The following VTI1A variants were observed in gnomAD, a reference collection of about 807,000 sequenced individuals.
VTI1A encodes vesicle transport through interaction with t-SNAREs 1A.
A neutral mutation model predicts 34.9 loss-of-function variants in VTI1A; 22 were observed. The observed-to-expected ratio is 0.63, with a 90% CI of 0.45 to 0.90. The LOEUF is 0.90. VTI1A is among the 40% of genes least tolerant of loss of function. The pLI is 0.00. For missense variants in VTI1A, 268 were observed against 275.6 expected (o/e 0.97, Z 0.20); for synonymous variants, 87 against 97.3 (o/e 0.89, Z 0.62).
chr10:112,853,936 C>T, the VTI1A span, among the ~76,000 whole-genome samples: 1 of 152,174 alleles, frequency 6.6e-6, no homozygotes, highest in Non-Finnish European at 1.5e-5. Flanking sequence ...GCTGCCTCCC[C>T]TGTGACTCTG....
intron 3 of VTI1A, among the ~76,000 whole-genome samples, chr10:112,499,758 C>T (rs1849158728): frequency 6.6e-6 from 1 of 152,192 alleles, no homozygotes; most frequent in South Asian, 2.1e-4. Flanking sequence ...ATATGAGAAA[C>T]CTTGAAGACA....
intron 7 of VTI1A, among the ~76,000 whole-genome samples, chr10:112,760,694 G>T (rs1057490974): frequency 2.6e-5 from 4 of 152,126 alleles, no homozygotes; most frequent in East Asian, 3.9e-4. Context: ...TTCGAGACCA[G>T]GCTGGCCAAC....
chr10:112,478,396 G>A (rs965724122), intron 3 of VTI1A, among the ~76,000 whole-genome samples: 1 of 152,162 alleles, frequency 6.6e-6, no homozygotes, highest in African/African-American at 2.4e-5. Context: ...GAACTGCACT[G>A]CTTTTTAGTC....
At chr10:112,798,828 G>T (rs972215263) in intron 7 of VTI1A, among the ~76,000 whole-genome samples, 3 of 152,172 alleles carry the variant, frequency 2.0e-5, no homozygotes, top group African/African-American at 4.8e-5. Flanking sequence ...CTCCAAGAGA[G>T]ACCTCTGGCT....
chr10:112,508,147 A>G (rs1849494062), intron 3 of VTI1A, among the ~76,000 whole-genome samples: 1 of 152,196 alleles, frequency 6.6e-6, no homozygotes, highest in Non-Finnish European at 1.5e-5. Context: ...GCTTCTCTGA[A>G]CAAACCGTTT....
chr10:112,641,143 C>T (rs960246594), intron 5 of VTI1A, among the ~76,000 whole-genome samples: 4 of 151,902 alleles, frequency 2.6e-5, no homozygotes, highest in African/African-American at 9.7e-5. Flanking sequence ...CACGGATTTT[C>T]TCCTGTTGGA....
chr10:112,681,519 T>A (rs559133522), intron 7 of VTI1A, among the ~76,000 whole-genome samples: 3 of 152,220 alleles, frequency 2.0e-5, no homozygotes, highest in Non-Finnish European at 4.4e-5. Flanking sequence ...AAAAGAAGAA[T>A]ATTTTTGACA....
intron 5 of VTI1A, among the ~76,000 whole-genome samples, chr10:112,624,851 T>C (rs995826100): frequency 6.6e-6 from 1 of 152,076 alleles, no homozygotes; most frequent in African/African-American, 2.4e-5. Context: ...GATGTCAGCA[T>C]TTTGGGAGGT....
chr10:112,530,727 T>A (rs1237295006), intron 4 of VTI1A, among the ~76,000 whole-genome samples: 3 of 152,180 alleles, frequency 2.0e-5, no homozygotes, highest in Non-Finnish European at 2.9e-5. Context: ...TTGGGCTTGC[T>A]GTGCATAAAG....
At chr10:112,633,523 G>A (rs1846218407) in intron 5 of VTI1A, among the ~76,000 whole-genome samples, 1 of 152,110 alleles carries the variant, frequency 6.6e-6, no homozygotes, top group South Asian at 2.1e-4. Context: ...GAGATAGCAG[G>A]CAAAACACCG....
intron 7 of VTI1A, among the ~76,000 whole-genome samples, chr10:112,709,374 C>A (rs1278389734): frequency 6.6e-6 from 1 of 152,124 alleles, no homozygotes; most frequent in Non-Finnish European, 1.5e-5. Flanking sequence ...GAACTGCCCC[C>A]CTGGTGCTGT....
intron 7 of VTI1A, among the ~76,000 whole-genome samples, chr10:112,700,848 G>A (rs1457897274): frequency 6.6e-6 from 1 of 152,180 alleles, no homozygotes; most frequent in African/African-American, 2.4e-5. Flanking sequence ...TTAAGTCCAA[G>A]TTTCATCTGT....
intron 5 of VTI1A, among the ~76,000 whole-genome samples, chr10:112,629,641 G>A (rs114480145): frequency 1.5e-3 from 235 of 152,326 alleles, no homozygotes; most frequent in African/African-American, 5.5e-3. Flanking sequence ...ATTTTAAAAT[G>A]AGGCTATACA....
intron 7 of VTI1A, among the ~76,000 whole-genome samples, chr10:112,797,361 G>A (rs1053280022): frequency 6.6e-6 from 1 of 152,154 alleles, no homozygotes; most frequent in African/African-American, 2.4e-5. Context: ...TGTATTTGCA[G>A]CCAACATTTG....
At chr10:112,666,809 A>G (rs1847656806) in intron 5 of VTI1A, among the ~76,000 whole-genome samples, 1 of 152,162 alleles carries the variant, frequency 6.6e-6, no homozygotes, top group African/African-American at 2.4e-5. Flanking sequence ...ATATCAATCA[A>G]TTATCATTCA....
chr10:112,687,010 T>A (rs997935442), intron 7 of VTI1A, among the ~76,000 whole-genome samples: 11 of 152,084 alleles, frequency 7.2e-5, no homozygotes, highest in African/African-American at 2.7e-4. Flanking sequence ...AGATGCTCTG[T>A]GGGCACCGCT....
intron 5 of VTI1A, among the ~76,000 whole-genome samples, chr10:112,545,312 G>C (rs1589885001): frequency 6.6e-6 from 1 of 152,228 alleles, no homozygotes; most frequent in African/African-American, 2.4e-5. Flanking sequence ...ACAGTGGCCA[G>C]TCCCATCAGG....
At chr10:112,563,966 G>A (rs1464247848) in intron 5 of VTI1A, among the ~76,000 whole-genome samples, 1 of 152,040 alleles carries the variant, frequency 6.6e-6, no homozygotes, top group Non-Finnish European at 1.5e-5. Flanking sequence ...AATTGACAGT[G>A]CATTTAAATA....
chr10:112,741,487 G>T (rs779081144), intron 7 of VTI1A, among the ~76,000 whole-genome samples: 2 of 152,066 alleles, frequency 1.3e-5, no homozygotes, highest in South Asian at 2.1e-4. Context: ...GGTTTCTTTT[G>T]CAGTGATGAA....
Sources: gnomAD v4.1 joint callset for allele counts (sites outside exome capture counted in the v4.1 genomes callset) on GRCh38, gnomAD v4.1.1 for gene constraint, MANE v1.5 for transcripts, NCBI Gene and HGNC (gene_info 2026-07-23, HGNC 2026-07-21) for gene names.